Variants in DNAH11 observed in about 807,000 individuals in gnomAD.
DNAH11 encodes dynein axonemal heavy chain 11, also known as axonemal beta dynein heavy chain 11.
In DNAH11, 442 loss-of-function variants were observed where a neutral mutation model predicts 526.0. That is an observed-to-expected ratio of 0.84 (90% CI 0.78 to 0.91). The LOEUF is 0.91. Among genes scored for constraint, DNAH11 ranks in the 40% least tolerant of loss-of-function variants. The probability of loss-of-function intolerance (pLI) is 0.00; values close to 1 mark genes in which losing one functional copy is unlikely to be tolerated. For missense variants in DNAH11, 6,989 were observed against 5,448.7 expected (o/e 1.28, Z -8.90); for synonymous variants, 2,461 against 1,935.9 (o/e 1.27, Z -7.12).
chr7:21,742,232 C>T, intron 49 of DNAH11, 66 bp downstream of exon 49: 1 of 1,524,238 alleles, frequency 6.6e-7, no homozygotes, highest in Non-Finnish European at 8.9e-7. Flanking sequence ...TGTATTAGCC[C>T]ATTTTTTATG....
intron 25 of DNAH11, among the ~76,000 whole-genome samples, chr7:21,635,579 A>AT (rs891771861): frequency 1.3e-5 from 2 of 152,024 alleles, no homozygotes; most frequent in African/African-American, 2.4e-5. Context: ...AATACACAGT[A>AT]TTTTTTTTCT....
At position 21,720,854 on chromosome 7, in the gene DNAH11, C is replaced by G; in HGVS notation, c.7264C>G (p.Gln2422Glu). The G allele has an allele frequency of 6.2e-7, 1 of 1,612,072 alleles. No homozygotes were observed. Among genetic ancestry groups the G allele is most frequent in the Non-Finnish European group, 8.5e-7 (1 of 1,179,024 alleles). ...WAFGGTLLQD[Q>E]ISDYQADFSR... ...TTTTGGAGGCACCCTGCTACAAGAT[C>G]AGGTATGTTTAGAAATAGTTTACAG... is the stretch of plus-strand genomic sequence containing the variant. The change falls in exon 44 of 82, where the codon CAG (glutamine) becomes GAG (glutamate). Residue 2422 changes from glutamine (Q) to glutamate (E), a missense_variant and splice_region_variant. By Grantham distance (29) the Gln-to-Glu change is conservative. Coordinates refer to ENST00000409508, the MANE Select transcript of DNAH11 (RefSeq NM_001277115.2).
At chr7:21,767,179 C>T (rs139313029) in intron 55 of DNAH11, among the ~76,000 whole-genome samples, 1 of 152,186 alleles carries the variant, frequency 6.6e-6, no homozygotes, top group African/African-American at 2.4e-5. Context: ...CAAAATGCTG[C>T]TTTATTAAAG....
At chr7:21,597,981 C>G (rs1350596924) in intron 14 of DNAH11, among the ~76,000 whole-genome samples, 2 of 152,164 alleles carry the variant, frequency 1.3e-5, no homozygotes, top group African/African-American at 4.8e-5. Flanking sequence ...GTAGGCAACA[C>G]AGCATTCCTG....
intron 64 of DNAH11, 109 bp from the exon 65 acceptor site, chr7:21,818,106 AGT>A (rs1789885082): frequency 9.3e-7 from 1 of 1,074,164 alleles, no homozygotes; most frequent in Non-Finnish European, 1.3e-6. Context: ...GTTTTCTCTA[AGT>A]TTGTCCCATT....
chr7:21,841,124 C>T (rs1782187685), intron 65 of DNAH11, among the ~76,000 whole-genome samples: 1 of 152,102 alleles, frequency 6.6e-6, no homozygotes, highest in African/African-American at 2.4e-5. Context: ...GTGGAGGTTG[C>T]AGTGAGCCAA....
intron 25 of DNAH11, among the ~76,000 whole-genome samples, chr7:21,632,794 C>T (rs956539587): frequency 7.2e-5 from 11 of 152,182 alleles, no homozygotes; most frequent in Admixed American, 2.0e-4. Flanking sequence ...CCAAACTGTT[C>T]CAACCTCTGC....
At chr7:21,607,951 A>T (rs2128449462) in intron 20 of DNAH11, among the ~76,000 whole-genome samples, 1 of 151,082 alleles carries the variant, frequency 6.6e-6, no homozygotes, top group East Asian at 1.9e-4. Flanking sequence ...AAAAAAAAAA[A>T]AAAAAAAAAG....
intron 57 of DNAH11, among the ~76,000 whole-genome samples, chr7:21,783,329 T>TAATGGTTA (rs1788034807): frequency 6.6e-6 from 1 of 152,148 alleles, no homozygotes; most frequent in African/African-American, 2.4e-5. Context: ...CACAGCAAAA[T>TAATGGTTA]AATGGTTAAT....
At chr7:21,751,047 G>A (rs1213628837) in intron 54 of DNAH11, among the ~76,000 whole-genome samples, 2 of 152,144 alleles carry the variant, frequency 1.3e-5, no homozygotes, top group Admixed American at 1.3e-4. Flanking sequence ...AGATGGGCCG[G>A]GTGCAGTGGC....
chr7:21,621,177 G>A (rs1029755723), intron 25 of DNAH11, among the ~76,000 whole-genome samples: 11 of 152,108 alleles, frequency 7.2e-5, no homozygotes, highest in African/African-American at 2.7e-4. Context: ...ACTACCATCA[G>A]AGAATACTAC....
At chr7:21,740,412 A>G (rs981738158) in intron 48 of DNAH11, among the ~76,000 whole-genome samples, 14 of 152,084 alleles carry the variant, frequency 9.2e-5, no homozygotes, top group African/African-American at 2.7e-4. Flanking sequence ...GGCAACCACC[A>G]TTCTACTTTC....
At chr7:21,773,718 T>G in intron 55 of DNAH11, 48 bp from the exon 56 acceptor site, 2 of 1,267,312 alleles carry the variant, frequency 1.6e-6, no homozygotes, top group South Asian at 2.1e-5. Context: ...TAAGTTGTAT[T>G]TTTAATTTGA....
At chr7:21,658,602 G>T (rs957447566) in intron 29 of DNAH11, among the ~76,000 whole-genome samples, 196 bp from the exon 30 acceptor site, 1 of 152,084 alleles carries the variant, frequency 6.6e-6, no homozygotes, top group Non-Finnish European at 1.5e-5. Context: ...GAGAAGGCGG[G>T]TTCCTGCAGG....
chr7:21,650,859 C>T (rs1045458722), intron 28 of DNAH11, among the ~76,000 whole-genome samples: 1 of 151,384 alleles, frequency 6.6e-6, no homozygotes, highest in African/African-American at 2.4e-5. Flanking sequence ...AGGCTGGTCT[C>T]GAACTCCTGA....
At chr7:21,764,804 CA>C (rs1215847323) in intron 54 of DNAH11, among the ~76,000 whole-genome samples, 1 of 152,124 alleles carries the variant, frequency 6.6e-6, no homozygotes, top group African/African-American at 2.4e-5. Context: ...CATAGCTACA[CA>C]AAACTTTAGA....
intron 31 of DNAH11, among the ~76,000 whole-genome samples, chr7:21,682,699 T>C (rs911086084): frequency 6.6e-6 from 1 of 152,190 alleles, no homozygotes; most frequent in Non-Finnish European, 1.5e-5. Context: ...ACAAGGCAAT[T>C]CCTTTCACAA....
chr7:21,775,799 G>A (rs1583682491), intron 56 of DNAH11, among the ~76,000 whole-genome samples: 1 of 152,108 alleles, frequency 6.6e-6, no homozygotes, highest in African/African-American at 2.4e-5. Flanking sequence ...TAGATAAGAC[G>A]AGGAAGGAGC....
chr7:21,862,077 C>T, intron 69 of DNAH11, 54 bp downstream of exon 69: 28 of 1,461,984 alleles, frequency 1.9e-5, no homozygotes, highest in Non-Finnish European at 2.4e-5. Context: ...GCAGATGCCT[C>T]TGTTTATTAT....
Sources: gnomAD v4.1 joint callset for allele counts (sites outside exome capture counted in the v4.1 genomes callset) on GRCh38, gnomAD v4.1.1 for gene constraint, MANE v1.5 for transcripts, NCBI Gene and HGNC (gene_info 2026-07-23, HGNC 2026-07-21) for gene names.